FARP1: variants seen among roughly 807,000 people sequenced by gnomAD.
FARP1 encodes the protein FERM, ARH/RhoGEF and pleckstrin domain protein 1.
FARP1 carries 52 observed loss-of-function variants against 128.8 expected under a neutral mutation model. The ratio of observed to expected loss-of-function variants is 0.40; its 90% CI spans 0.32 to 0.51. FARP1 has a LOEUF of 0.51. FARP1 is among the 20% of genes least tolerant of loss of function. FARP1 has a pLI of 0.45. For synonymous variants in FARP1, 580 were observed against 551.8 expected, an observed-to-expected ratio of 1.05 and a Z score of -0.72; for missense variants, 1,333 against 1,367.9, an observed-to-expected ratio of 0.97 and a Z score of 0.40.
Position 98,440,753 on chromosome 13 carries a change from C to T in FARP1, c.2713C>T (p.Pro905Ser), listed in dbSNP as rs1892490566. ...ASRTSLERQA[P>S]HRGNTMVHVC... ...GCGCACATCGCTGGAGCGCCAGGCC[C>T]CGCACCGCGGCAACACAATGGTGCA... The change falls in exon 24 of 27, where the codon CCG becomes TCG. Residue 905 changes from proline to serine, a missense_variant. Pro to Ser is a moderately conservative substitution (Grantham distance 74, BLOSUM62 -1). Around this residue, in one of 2 missense-constraint regions of FARP1, gnomAD observed 1,009 missense variants for 969.8 expected, o/e 1.04. Coordinates refer to ENST00000319562, the MANE Select transcript of FARP1 (RefSeq NM_005766.4). 6.8e-6 allele frequency: 11 copies of T among 1,613,326 alleles called. No individual in the cohort carries two copies. The highest frequency in any genetic ancestry group is 9.3e-6 in the Non-Finnish European group (11 of 1,179,986).
At chr13:98,236,927 G>A (rs1882454940) in intron 2 of FARP1, among the ~76,000 whole-genome samples, 1 of 152,184 alleles carries the variant, frequency 6.6e-6, no homozygotes, top group African/African-American at 2.4e-5. Flanking sequence ...AGGAGGTGGA[G>A]GCTGCCATGA....
intron 2 of FARP1, among the ~76,000 whole-genome samples, chr13:98,341,279 C>T (rs1887963231): frequency 6.6e-6 from 1 of 152,152 alleles, no homozygotes; most frequent in Non-Finnish European, 1.5e-5. Context: ...ACTCAGTCTC[C>T]AGGGTTACTA....
chr13:98,204,120 A>G (rs1473282771), intron 1 of FARP1: 2 of 152,246 alleles, frequency 1.3e-5, no homozygotes, highest in Admixed American at 1.3e-4. Context: ...CAACCCTGGC[A>G]ATCACCCCTA....
At chr13:98,304,609 C>T (rs932469151) in intron 2 of FARP1, among the ~76,000 whole-genome samples, 3 of 152,174 alleles carry the variant, frequency 2.0e-5, no homozygotes, top group East Asian at 1.9e-4. Context: ...ACAGCCAAGG[C>T]GGTGACACGA....
At chr13:98,262,994 CATTATT>C (rs532793122) in intron 2 of FARP1, among the ~76,000 whole-genome samples, 19 of 151,560 alleles carry the variant, frequency 1.3e-4, no homozygotes, top group Admixed American at 7.2e-4. Flanking sequence ...TCATCTTAAA[CATTATT>C]ATTATTATTA....
At chr13:98,258,585 C>G (rs528348454) in intron 2 of FARP1, among the ~76,000 whole-genome samples, 1 of 152,098 alleles carries the variant, frequency 6.6e-6, no homozygotes, top group East Asian at 1.9e-4. Context: ...TGGGTGCTGT[C>G]ACTCATGCTT....
chr13:98,147,256 C>A (rs1875641218), intron 1 of FARP1, among the ~76,000 whole-genome samples: 1 of 152,130 alleles, frequency 6.6e-6, no homozygotes, highest in Non-Finnish European at 1.5e-5. Context: ...ACTAATCCGG[C>A]GAGACTGAAA....
rs559466275 is a variant in FARP1, at chr13:98,236,991, CAG to C, written c.171+23579_171+23580del. ...TGGGCAACAGAGCAAGACTCTGTCTCAGGGGGAAAAAAAGAAAACGTTAAAAT... is the reference window on the plus strand; with the variant it reads ...TGGGCAACAGAGCAAGACTCTGTCTCGGGGAAAAAAAGAAAACGTTAAAAT... On this transcript the variant is annotated intron_variant, in intron 2 of 26. Transcript: ENST00000319562. Among the ~76,000 whole-genome samples the C allele has an allele frequency of 1.5e-3, 230 of 150,550 alleles. 1 individual carries two copies. The highest frequency in any genetic ancestry group is 2.7e-3 in the Non-Finnish European group (183 of 67,642).
intron 1 of FARP1, among the ~76,000 whole-genome samples, chr13:98,182,794 C>T (rs1207183497): frequency 6.6e-6 from 1 of 152,164 alleles, no homozygotes; most frequent in South Asian, 2.1e-4. Flanking sequence ...AGACATTGCT[C>T]CCATTCTTTT....
At chr13:98,336,671 T>C (rs529942531) in intron 2 of FARP1, among the ~76,000 whole-genome samples, 7 of 152,330 alleles carry the variant, frequency 4.6e-5, no homozygotes, top group African/African-American at 1.7e-4. Flanking sequence ...TAGTATTCAG[T>C]GCGTACTTGC....
rs60890411 is a variant in FARP1 at position 98,312,135 on chromosome 13, CTTT to C, written c.172-31610_172-31608del. On this transcript the variant is annotated intron_variant, in intron 2 of 26. Transcript: ENST00000319562. The stretch of plus-strand genomic sequence containing the variant: ...GTGCTGGGATTGCAGGTGGTAACTG[CTTT>C]TTTTTTTTTTTTTTTTCTTTGAGAC... Among the ~76,000 whole-genome samples the C allele has an allele frequency of 1.7e-3, 148 of 86,126 alleles. 1 individual carries two copies. In the East Asian group the frequency reaches 0.021, roughly 12 times the overall value. The allele number at this position is 86,126 out of a possible 152,430, so 56.5% of individuals were successfully genotyped here. A position where few individuals can be genotyped will look rare whatever the true frequency, so the allele number is the denominator to read the frequency against.
chr13:98,453,273 T>C lies in FARP1; in HGVS notation c.*4956T>C. On this transcript the variant is annotated 3_prime_UTR_variant, in exon 27 of 27. Transcript: ENST00000319562. ...TTTCTCATCCCTGTGCAAAAATTCA[T>C]ATAGTAACCAAAATCTTAGTTTTCA... 8 of 1,515,470 alleles carry C rather than the reference T, an allele frequency of 5.3e-6. No homozygotes were observed. Among genetic ancestry groups the C allele is most frequent in the Non-Finnish European group, 6.3e-6 (7 of 1,114,728 alleles). The allele number at this position is 1,515,470 out of a possible 1,614,324, so 93.9% of individuals were successfully genotyped here.
rs114019543 is a variant in FARP1, at chr13:98,286,989, C to T, written c.172-56773C>T. Among the ~76,000 whole-genome samples the T allele has an allele frequency of 2.3e-3, 354 of 152,198 alleles. 1 individual carries two copies. The highest frequency in any genetic ancestry group is 7.8e-3 in the African/African-American group (324 of 41,528). On this transcript the variant is annotated intron_variant, in intron 2 of 26. Coordinates refer to ENST00000319562, the MANE Select transcript of FARP1 (RefSeq NM_005766.4). ...AACTCTCATACTGTTTATGTAGCAT[C>T]GTACTGACCCAACCTGTTGCAATTT...
At chr13:98,349,835 G>A (rs1042622915) in intron 3 of FARP1, among the ~76,000 whole-genome samples, 1 of 152,126 alleles carries the variant, frequency 6.6e-6, no homozygotes, top group African/African-American at 2.4e-5. Context: ...TTTGTCAATA[G>A]TGGGACTGCT....
Position 98,301,449 on chromosome 13 carries a change from G to A in FARP1, c.172-42313G>A, listed in dbSNP as rs369455774. On this transcript the variant is annotated intron_variant, in intron 2 of 26. Transcript: ENST00000319562. ...GAAGTCAAGCCTTCTGCGGAGGTGT[G>A]GGTTTTCTGAGCCACATTAAAAATG... Among the ~76,000 whole-genome samples, 37 of 152,262 alleles carry A rather than the reference G, an allele frequency of 2.4e-4. No homozygotes were observed. The East Asian group carries it at 2.9e-3, about 12-fold the overall frequency.
At chr13:98,163,795 G>T (rs540857121) in intron 1 of FARP1, among the ~76,000 whole-genome samples, 2 of 151,044 alleles carry the variant, frequency 1.3e-5, no homozygotes, top group African/African-American at 4.9e-5. Context: ...TGCAACCTCT[G>T]CCTCCTAGAT....
chr13:98,161,429 C>T (rs561001021), intron 1 of FARP1, among the ~76,000 whole-genome samples: 1 of 152,082 alleles, frequency 6.6e-6, no homozygotes, highest in South Asian at 2.1e-4. Context: ...GTTAGCAAGG[C>T]TGGTCTCGAT....
intron 13 of FARP1, 175 bp downstream of exon 13, chr13:98,395,651 A>G (rs1890503931): frequency 3.9e-6 from 3 of 765,444 alleles, no homozygotes; most frequent in African/African-American, 1.8e-5. Flanking sequence ...AGCGGTGTCT[A>G]TCTGCTGTCC....
intron 1 of FARP1, among the ~76,000 whole-genome samples, chr13:98,194,852 T>C (rs1285511445): frequency 6.6e-6 from 1 of 152,210 alleles, no homozygotes. Flanking sequence ...TATGTAACCA[T>C]CAGTGGCGGG....
Sources: allele counts gnomAD v4.1 joint callset (sites outside exome capture counted in the v4.1 genomes callset), GRCh38; gene constraint gnomAD v4.1.1; regional missense constraint gnomAD v4.1.1; transcripts MANE v1.5; gene names NCBI Gene and HGNC (gene_info 2026-07-23, HGNC 2026-07-21).